The following RBBP8 variants were observed in gnomAD, a reference collection of about 807,000 sequenced individuals.
The protein encoded by RBBP8 is RB binding protein 8, endonuclease.
RBBP8 carries 88 observed loss-of-function variants against 108.3 expected under a neutral mutation model. The ratio of observed to expected loss-of-function variants is 0.81; its 90% CI spans 0.68 to 0.97. The LOEUF is 0.97. RBBP8 is among the 50% of genes least tolerant of loss of function. RBBP8 has a pLI of 0.00. For synonymous variants in RBBP8, 332 were observed against 348.2 expected (o/e 0.95, Z 0.52); for missense variants, 1,023 against 1,049.0 (o/e 0.98, Z 0.34).
intron 13 of RBBP8, among the ~76,000 whole-genome samples, 188 bp from the exon 14 acceptor site, chr18:22,997,432 A>C (rs2045878734): frequency 6.6e-6 from 1 of 152,212 alleles, no homozygotes; most frequent in Non-Finnish European, 1.5e-5. Flanking sequence ...ATTGAAGCTA[A>C]AATGTTTTAT....
chr18:23,010,047 A>C (rs1336396567), intron 16 of RBBP8, among the ~76,000 whole-genome samples: 5 of 152,168 alleles, frequency 3.3e-5, no homozygotes, highest in African/African-American at 1.2e-4. Flanking sequence ...GGCATGAGCC[A>C]CTGCACCTGG....
chr18:22,969,107 A>G (rs1052660952), intron 5 of RBBP8, among the ~76,000 whole-genome samples, 189 bp downstream of exon 5: 1 of 151,916 alleles, frequency 6.6e-6, no homozygotes, highest in Non-Finnish European at 1.5e-5. Flanking sequence ...AATAGGGTAC[A>G]AAAAGGTTGT....
At chr18:22,988,964 T>C (rs1322415186) in intron 8 of RBBP8, among the ~76,000 whole-genome samples, 1 of 152,240 alleles carries the variant, frequency 6.6e-6, no homozygotes, top group African/African-American at 2.4e-5. Flanking sequence ...AGAAAAATTA[T>C]CTACCTATTG....
chr18:22,986,612 A>T (rs960237996), intron 8 of RBBP8, among the ~76,000 whole-genome samples: 1 of 152,202 alleles, frequency 6.6e-6, no homozygotes, highest in African/African-American at 2.4e-5. Flanking sequence ...TGTTGATAGG[A>T]TGATCAAGTA....
At chr18:22,919,560 T>C (rs1220586458) in intron 3 of RBBP8, among the ~76,000 whole-genome samples, 1 of 152,148 alleles carries the variant, frequency 6.6e-6, no homozygotes, top group East Asian at 1.9e-4. Context: ...ACATATTCTT[T>C]TTTTCTTTTT....
chr18:23,004,181 T>A (rs2045998346), intron 15 of RBBP8, among the ~76,000 whole-genome samples: 1 of 151,944 alleles, frequency 6.6e-6, no homozygotes, highest in Non-Finnish European at 1.5e-5. Flanking sequence ...GCACTCACGT[T>A]TATTGCAGCA....
intron 12 of RBBP8, among the ~76,000 whole-genome samples, chr18:22,994,274 C>T (rs1238300075): frequency 2.0e-5 from 3 of 148,620 alleles, no homozygotes; most frequent in African/African-American, 4.9e-5. Flanking sequence ...CCACCAGCGT[C>T]GGCCTCCCAA....
chr18:23,022,937 C>T (rs1349461718), intron 18 of RBBP8, among the ~76,000 whole-genome samples: 1 of 151,274 alleles, frequency 6.6e-6, no homozygotes, highest in Non-Finnish European at 1.5e-5. Context: ...TTCACTCTGT[C>T]ACCCAGGCTG....
At chr18:22,928,708 C>T (rs1021410423), upstream of RBBP8, among the ~76,000 whole-genome samples, 6 of 150,164 alleles carry the variant, frequency 4.0e-5, no homozygotes, top group Non-Finnish European at 7.4e-5. Flanking sequence ...CTCGCTTTGT[C>T]GCCCATGCTG....
At chr18:23,003,414 C>T (rs913102040) in intron 15 of RBBP8, among the ~76,000 whole-genome samples, 4 of 152,162 alleles carry the variant, frequency 2.6e-5, no homozygotes, top group South Asian at 2.1e-4. Flanking sequence ...CTTGTATGTG[C>T]TTTCTCACAT....
At chr18:22,938,517 GT>G (rs1031404144) in intron 2 of RBBP8, among the ~76,000 whole-genome samples, 1 of 152,062 alleles carries the variant, frequency 6.6e-6, no homozygotes, top group Admixed American at 6.6e-5. Flanking sequence ...TACAATTGTA[GT>G]TTTTGTGATT....
intron 16 of RBBP8, among the ~76,000 whole-genome samples, chr18:23,013,700 C>T (rs1363758918): frequency 2.0e-5 from 3 of 152,286 alleles, no homozygotes; most frequent in East Asian, 3.9e-4. Flanking sequence ...AAAATAACCT[C>T]GTGGCTAATT....
chr18:22,987,418 A>G (rs1223923177), intron 8 of RBBP8, among the ~76,000 whole-genome samples: 1 of 152,106 alleles, frequency 6.6e-6, no homozygotes, highest in Non-Finnish European at 1.5e-5. Context: ...TCTCCAAAAT[A>G]TATGGTACTG....
chr18:22,949,196 G>A (rs1167584348), intron 3 of RBBP8, among the ~76,000 whole-genome samples: 1 of 152,130 alleles, frequency 6.6e-6, no homozygotes, highest in Non-Finnish European at 1.5e-5. Context: ...TGGGCGTAGG[G>A]TTCCCGTTCG....
intron 3 of RBBP8, among the ~76,000 whole-genome samples, chr18:22,922,633 T>G (rs1909638385): frequency 6.6e-6 from 1 of 152,050 alleles, no homozygotes; most frequent in Non-Finnish European, 1.5e-5. Flanking sequence ...CAGCTAATTT[T>G]TATGTATTTT....
chr18:22,951,578 A>G (rs1271645661), intron 4 of RBBP8, among the ~76,000 whole-genome samples: 2 of 152,220 alleles, frequency 1.3e-5, no homozygotes, highest in Admixed American at 6.5e-5. Flanking sequence ...TCTACAGCAG[A>G]CACTAGCTGG....
At chr18:22,929,465 GGTGTGT>G (rs1165994615), upstream of RBBP8, 4 of 110,714 alleles carry the variant, frequency 3.6e-5, no homozygotes, top group African/African-American at 1.7e-4. Context: ...TGTTTGGGCA[GGTGTGT>G]GTGTGTGTGT....
At position 22,933,561 on chromosome 18, in the gene RBBP8, G is replaced by A. The variant is rs886053658; in HGVS notation, c.-102G>A. ...TCGCGAATCCCGAGGCAATCTCGGAGGCGGTGAGTAAAAGCAATCTCTTTA... is the reference window on the plus strand; with the variant it reads ...TCGCGAATCCCGAGGCAATCTCGGAAGCGGTGAGTAAAAGCAATCTCTTTA... On this transcript the variant is annotated 5_prime_UTR_variant, in exon 1 of 19. Coordinates refer to ENST00000327155, the MANE Select transcript of RBBP8 (RefSeq NM_002894.3). 3.0e-4 allele frequency: 46 copies of A among 153,694 alleles called. No homozygotes were observed. Among genetic ancestry groups the A allele is most frequent in the African/African-American group, 1.1e-3 (46 of 41,326 alleles). 9.5% of individuals were successfully genotyped at this position (153,694 alleles called of 1,614,324 possible). A position where few individuals can be genotyped will look rare whatever the true frequency, so the allele number is the denominator to read the frequency against.
At chr18:22,949,855 A>G in intron 4 of RBBP8, 142 bp downstream of exon 4, 2 of 636,126 alleles carry the variant, frequency 3.1e-6, no homozygotes, top group Non-Finnish European at 5.6e-6. Flanking sequence ...TACTTTATGA[A>G]AACAAGGATC....
Sources: allele counts gnomAD v4.1 joint callset (sites outside exome capture counted in the v4.1 genomes callset), GRCh38; gene constraint gnomAD v4.1.1; transcripts MANE v1.5; gene names NCBI Gene and HGNC (gene_info 2026-07-23, HGNC 2026-07-21).